Variants in HK1 observed in about 807,000 individuals in gnomAD.
The protein encoded by HK1 is hexokinase 1, also known as hexokinase-1.
Under a neutral mutation model 91.6 loss-of-function variants are expected in HK1, and 28 were observed. The ratio of observed to expected loss-of-function variants is 0.31; its 90% CI spans 0.23 to 0.42. The LOEUF is 0.42. Among genes scored for constraint, HK1 ranks in the 10% least tolerant of loss-of-function variants. HK1 has a pLI of 1.00. For synonymous variants in HK1, 430 were observed against 468.1 expected (o/e 0.92, Z 1.05); for missense variants, 770 against 1,219.8 (o/e 0.63, Z 5.49).
rs551066338 is a variant in HK1 at position 69,401,178 on chromosome 10, C to T, written c.*43C>T. On this transcript the variant is annotated 3_prime_UTR_variant, in exon 18 of 18. Transcript: ENST00000359426. Reference sequence around the variant, plus strand: ...CCTACTGCCTCTCCAGCACTTCTCTCTTCAAGCGGCGACCCCCTACCCTCC... The same window carrying T: ...CCTACTGCCTCTCCAGCACTTCTCTTTTCAAGCGGCGACCCCCTACCCTCC... The T allele has an allele frequency of 1.3e-6, 2 of 1,590,182 alleles. No individual in the cohort carries two copies. The highest frequency in any genetic ancestry group is 3.5e-5 in the Admixed American group (2 of 56,876).
At chr10:69,359,323 A>C (rs899803951) in intron 2 of HK1, among the ~76,000 whole-genome samples, 20 of 152,210 alleles carry the variant, frequency 1.3e-4, no homozygotes, top group Non-Finnish European at 2.4e-4. Context: ...GTTGCACAAC[A>C]TTGTGAATGT....
chr10:69,278,439 A>G (rs1844570363), intron 1 of HK1: 1 of 152,142 alleles, frequency 6.6e-6, no homozygotes, highest in Non-Finnish European at 1.5e-5. Context: ...TTGGAAATCC[A>G]TCTCTCCTCT....
chr10:69,385,390 C>T (rs991077169), intron 12 of HK1, among the ~76,000 whole-genome samples: 1 of 152,214 alleles, frequency 6.6e-6, no homozygotes, highest in Non-Finnish European at 1.5e-5. Flanking sequence ...CTGCTGACTA[C>T]TGATTGGCTG....
chr10:69,314,434 G>GA (rs1382450732), upstream of HK1, among the ~76,000 whole-genome samples: 1 of 152,128 alleles, frequency 6.6e-6, no homozygotes, highest in Non-Finnish European at 1.5e-5. Context: ...GCTAGGTTGG[G>GA]ATCTCTTCCG....
chr10:69,276,118 A>AATAT lies in HK1; in HGVS notation c.-391+6013_-391+6014insTATA, dbSNP rs1554874322. On this transcript the variant is annotated intron_variant, in intron 1 of 21. Coordinates refer to the HK1 transcript ENST00000360289. ...AAAAAAAAAAAAAAAAAAAAAAAAA[A>AATAT]ATACATATATATATATATATACACA... Among the ~76,000 whole-genome samples the AATAT allele has an allele frequency of 2.6e-4, 10 of 38,270 alleles. 1 individual carries two copies. Among genetic ancestry groups the AATAT allele is most frequent in the African/African-American group, 5.3e-4 (7 of 13,316 alleles). 25.1% of individuals were successfully genotyped at this position (38,270 alleles called of 152,430 possible).
intron 1 of HK1, among the ~76,000 whole-genome samples, chr10:69,329,962 A>C (rs1847613545): frequency 6.6e-6 from 1 of 151,906 alleles, no homozygotes; most frequent in Non-Finnish European, 1.5e-5. Flanking sequence ...TGTTTTTCAA[A>C]TCTCCCTTTT....
At chr10:69,339,634 C>T (rs1455643288) in intron 1 of HK1, among the ~76,000 whole-genome samples, 3 of 152,176 alleles carry the variant, frequency 2.0e-5, no homozygotes, top group Non-Finnish European at 4.4e-5. Flanking sequence ...TGTCCTGAAA[C>T]GTTGGGGTTT....
chr10:69,295,905 C>A (rs1170895156), intron 4 of HK1, among the ~76,000 whole-genome samples: 1 of 152,172 alleles, frequency 6.6e-6, no homozygotes, highest in Non-Finnish European at 1.5e-5. Context: ...AGGCCCCCTT[C>A]TTAGCCCTTT....
chr10:69,308,334 G>A (rs538693348), intron 5 of HK1, among the ~76,000 whole-genome samples: 33 of 152,170 alleles, frequency 2.2e-4, no homozygotes, highest in African/African-American at 1.7e-4. Flanking sequence ...AGAAGGAAGC[G>A]GTTTATTCAG....
intron 1 of HK1, among the ~76,000 whole-genome samples, chr10:69,279,712 A>C (rs2132423781): frequency 6.6e-6 from 1 of 152,308 alleles, no homozygotes; most frequent in South Asian, 2.1e-4. Context: ...TAAATGCAGG[A>C]CTTAAAGGAA....
chr10:69,317,305 G>T (rs768411882), upstream of HK1, among the ~76,000 whole-genome samples: 16 of 152,146 alleles, frequency 1.1e-4, no homozygotes, highest in Non-Finnish European at 2.1e-4. Flanking sequence ...TCATCTTATG[G>T]ATGAAGACAC....
intron 2 of HK1, among the ~76,000 whole-genome samples, chr10:69,285,286 A>T (rs1255163718): frequency 6.6e-6 from 1 of 151,788 alleles, no homozygotes; most frequent in Non-Finnish European, 1.5e-5. Flanking sequence ...TAGCCGGGCG[A>T]GGTGGCGGGC....
intron 1 of HK1, 132 bp downstream of exon 1, chr10:69,319,142 G>T (rs1220072888): frequency 5.6e-6 from 6 of 1,066,570 alleles, no homozygotes; most frequent in Non-Finnish European, 8.4e-6. Context: ...ACTGCAGGGC[G>T]CAAGGAAAGC....
chr10:69,309,034 C>T (rs1344854720), intron 5 of HK1, among the ~76,000 whole-genome samples: 1 of 152,146 alleles, frequency 6.6e-6, no homozygotes, highest in Non-Finnish European at 1.5e-5. Context: ...CCTGGTCTGG[C>T]ATGGTGGCTC....
At chr10:69,336,348 G>T (rs7094943) in intron 1 of HK1, among the ~76,000 whole-genome samples, 52,942 of 150,534 alleles carry the variant, frequency 0.35, 10,830 homozygotes, top group African/African-American at 0.57. Flanking sequence ...TGTGCCACCA[G>T]GCCTGGCTCA....
intron 1 of HK1, among the ~76,000 whole-genome samples, chr10:69,341,272 C>T (rs370185057): frequency 6.6e-6 from 1 of 151,890 alleles, no homozygotes; most frequent in South Asian, 2.1e-4. Context: ...GGCAATCCTC[C>T]CGCCTCAGTC....
At chr10:69,304,094 TA>T (rs940424676) in intron 5 of HK1, among the ~76,000 whole-genome samples, 13 of 152,154 alleles carry the variant, frequency 8.5e-5, no homozygotes, top group African/African-American at 3.1e-4. Context: ...AATAGTGATG[TA>T]ATCCCCAGGA....
chr10:69,298,491 G>A lies in HK1; in HGVS notation c.-66-2278G>A, dbSNP rs558714649. The stretch of plus-strand genomic sequence containing the variant: ...AAATTGTAAAAATTAGCTGAGCATG[G>A]TGATGTGTGCCTACAATCCCAGCTA... On this transcript the variant is annotated intron_variant, in intron 4 of 21. Coordinates refer to the HK1 transcript ENST00000360289. 3.3e-5 allele frequency among the ~76,000 whole-genome samples: 5 copies of A among 151,812 alleles called. No individual in the cohort carries two copies. In the South Asian group the frequency reaches 8.3e-4, roughly 25 times the overall value.
intron 1 of HK1, among the ~76,000 whole-genome samples, chr10:69,279,808 A>G (rs1436557223): frequency 6.6e-6 from 1 of 152,228 alleles, no homozygotes; most frequent in Non-Finnish European, 1.5e-5. Flanking sequence ...TTTACTTAAC[A>G]TTCTCCAGAA....
Sources: allele counts gnomAD v4.1 joint callset (sites outside exome capture counted in the v4.1 genomes callset), GRCh38; gene constraint gnomAD v4.1.1; transcripts MANE v1.5; gene names NCBI Gene and HGNC (gene_info 2026-07-23, HGNC 2026-07-21).